The following CSTF2 variants were observed in gnomAD, a reference collection of about 807,000 sequenced individuals.
The protein encoded by CSTF2 is cleavage stimulation factor subunit 2, also known as CF-1 64 kDa subunit.
Under a neutral mutation model 45.4 loss-of-function variants are expected in CSTF2, and 8 were observed. The observed-to-expected ratio is 0.18, with a 90% confidence interval of 0.10 to 0.32. CSTF2 has a LOEUF of 0.32. Ranked by LOEUF, CSTF2 falls within the 10% of genes least tolerant of loss-of-function variation. The pLI, the probability that CSTF2 is intolerant of heterozygous loss-of-function variation, is 1.00. For synonymous variants in CSTF2, 155 were observed against 158.9 expected (o/e 0.98, Z 0.18); for missense variants, 253 against 477.1 (o/e 0.53, Z 4.38).
chrX:100,839,617 C>G (rs1313934535), intron 13 of CSTF2, among the ~76,000 whole-genome samples: 1 of 111,575 alleles, frequency 9.0e-6, no homozygotes, highest in African/African-American at 3.3e-5. Context: ...GTATTTAGAC[C>G]TTAAATGAAT....
At chrX:100,827,542 G>T (rs1048467800) in intron 7 of CSTF2, among the ~76,000 whole-genome samples, 8 of 111,992 alleles carry the variant, frequency 7.1e-5, no homozygotes, top group Non-Finnish European at 1.5e-4. Context: ...TACTCATGGA[G>T]AATGATTTAA....
intron 1 of CSTF2, 116 bp downstream of exon 1, chrX:100,820,590 C>A (rs2084912659): frequency 1.3e-6 from 1 of 771,826 alleles, no homozygotes; most frequent in Admixed American, 2.4e-5. Context: ...CCCTGCTTAT[C>A]CTGTAGGGCG....
At chrX:100,832,042 T>C (rs1470552883) in intron 9 of CSTF2, among the ~76,000 whole-genome samples, 1 of 110,333 alleles carries the variant, frequency 9.1e-6, no homozygotes, top group Non-Finnish European at 1.9e-5. Context: ...CATGGTGAAA[T>C]CCCATCTCTA....
intron 11 of CSTF2, among the ~76,000 whole-genome samples, chrX:100,836,533 C>T (rs1191354655): frequency 8.9e-6 from 1 of 111,792 alleles, no homozygotes; most frequent in Non-Finnish European, 1.9e-5. Flanking sequence ...TAAGAGAGTA[C>T]CTAAGCTCTG....
chrX:100,822,515 G>GT (rs2084924042), intron 3 of CSTF2, 95 bp downstream of exon 3: 3 of 890,046 alleles, frequency 3.4e-6, no homozygotes, highest in Non-Finnish European at 4.8e-6. Flanking sequence ...ATGCTGAAAT[G>GT]GTTAGCCACG....
At chrX:100,834,854 A>G (rs1044031706) in intron 11 of CSTF2, among the ~76,000 whole-genome samples, 49 of 111,939 alleles carry the variant, frequency 4.4e-4, no homozygotes, top group African/African-American at 1.5e-3. Flanking sequence ...TGGTAGTTCT[A>G]TGATGCAAGA....
chrX:100,828,885 A>G (rs1437706848), intron 8 of CSTF2, among the ~76,000 whole-genome samples: 1 of 112,485 alleles, frequency 8.9e-6, no homozygotes, highest in Non-Finnish European at 1.9e-5. Flanking sequence ...GAAGCTCAGA[A>G]TAAGTTACTT....
intron 8 of CSTF2, chrX:100,830,957 G>A (rs767553327): frequency 1.1e-5 from 8 of 747,757 alleles, no homozygotes; most frequent in African/African-American, 4.3e-5. Flanking sequence ...TCATCCTCGC[G>A]TTCAGAACCC....
At chrX:100,838,402 C>G in intron 13 of CSTF2, 38 bp downstream of exon 13, 1 of 1,151,256 alleles carries the variant, frequency 8.7e-7, no homozygotes, top group Non-Finnish European at 1.2e-6. Context: ...AGGACTAGCT[C>G]CTTGTCTATT....
intron 12 of CSTF2, 57 bp downstream of exon 12, chrX:100,837,506 C>T: frequency 6.1e-6 from 5 of 816,167 alleles, no homozygotes; most frequent in Admixed American, 2.6e-5. Context: ...TTTGATTCCT[C>T]TTTTCACAGT....
rs1176809112 is a variant in CSTF2 at position 100,823,916 on chromosome X, C to T, written c.475C>T (p.Arg159Trp). 3.3e-6 allele frequency: 4 copies of T among 1,209,217 alleles called. No homozygotes were observed. Among genetic ancestry groups the T allele is most frequent in the Non-Finnish European group, 4.5e-6 (4 of 894,280 alleles). ...TGTCCAGAATAGTCCCCAGGAGGCACGGAACATGTTACTTCAGAACCCTCA... is the reference window on the plus strand; with the variant it reads ...TGTCCAGAATAGTCCCCAGGAGGCATGGAACATGTTACTTCAGAACCCTCA... The part of the protein sequence containing the change: ...LCVQNSPQEA[R>W]NMLLQNPQLA... Residue 159 changes from arginine to tryptophan, a missense_variant, in exon 5 of 14, where the codon CGG becomes TGG. Coordinates refer to ENST00000372972, the MANE Select transcript of CSTF2 (RefSeq NM_001325.3).
chrX:100,830,784 C>G (rs2084970964), intron 8 of CSTF2: 5 of 1,134,807 alleles, frequency 4.4e-6, no homozygotes, highest in Admixed American at 2.6e-5. Context: ...GCTCTTTCTC[C>G]TTTTGAACTT....
At chrX:100,825,705 G>A (rs981433341) in intron 6 of CSTF2, among the ~76,000 whole-genome samples, 5 of 111,322 alleles carry the variant, frequency 4.5e-5, no homozygotes, top group East Asian at 2.8e-4. Context: ...GTTGTGTTCC[G>A]TTAAAAGTTT....
At chrX:100,840,562 G>A (rs955292769) in intron 13 of CSTF2, among the ~76,000 whole-genome samples, 152 bp from the exon 14 acceptor site, 7 of 111,488 alleles carry the variant, frequency 6.3e-5, no homozygotes, top group African/African-American at 2.3e-4. Flanking sequence ...GGAGTCAGGA[G>A]GCAGGAGACA....
chrX:100,837,907 A>G (rs1211183868), intron 12 of CSTF2, among the ~76,000 whole-genome samples: 2 of 112,091 alleles, frequency 1.8e-5, no homozygotes, highest in Non-Finnish European at 3.8e-5. Flanking sequence ...TAAAACTTGA[A>G]GGATTTCCAG....
intron 13 of CSTF2, among the ~76,000 whole-genome samples, chrX:100,839,355 C>G (rs936788341): frequency 4.5e-5 from 5 of 110,580 alleles, no homozygotes; most frequent in African/African-American, 1.6e-4. Context: ...AAAAATTTCC[C>G]CAGCATTTTG....
At chrX:100,829,215 C>T (rs1230191033) in intron 8 of CSTF2, among the ~76,000 whole-genome samples, 1 of 111,784 alleles carries the variant, frequency 8.9e-6, no homozygotes, top group African/African-American at 3.3e-5. Flanking sequence ...ATTGGCCAGG[C>T]GCAGTGGCTC....
chrX:100,833,065 A>G (rs2084985397), intron 10 of CSTF2, 115 bp from the exon 11 acceptor site: 1 of 993,268 alleles, frequency 1.0e-6, no homozygotes, highest in Non-Finnish European at 1.4e-6. Context: ...TCATATGTTA[A>G]TAGCTGAGGG....
intron 9 of CSTF2, 124 bp downstream of exon 9, chrX:100,831,780 G>A (rs1039523197): frequency 2.2e-5 from 15 of 688,235 alleles, no homozygotes; most frequent in Non-Finnish European, 2.7e-5. Context: ...CAATATTCAT[G>A]GCCACTGTCC....
Sources: allele counts gnomAD v4.1 joint callset (sites outside exome capture counted in the v4.1 genomes callset), GRCh38; gene constraint gnomAD v4.1.1; transcripts MANE v1.5; gene names NCBI Gene and HGNC (gene_info 2026-07-23, HGNC 2026-07-21).